The following ENOX1 variants were observed in gnomAD, a reference collection of about 807,000 sequenced individuals.
ENOX1 encodes the protein ecto-NOX disulfide-thiol exchanger 1.
In ENOX1, 42 loss-of-function variants were observed where a neutral mutation model predicts 82.5. The ratio of observed to expected loss-of-function variants is 0.51; its 90% confidence interval spans 0.40 to 0.66. The LOEUF is 0.66. Ranked by LOEUF, ENOX1 falls within the 30% of genes least tolerant of loss-of-function variation. The pLI is 0.00. For missense variants in ENOX1, 608 were observed against 811.6 expected (o/e 0.75, Z 3.05); for synonymous variants, 271 against 282.2 (o/e 0.96, Z 0.40).
At chr13:43,250,310 T>C (rs967696118) in intron 14 of ENOX1, among the ~76,000 whole-genome samples, 4 of 152,298 alleles carry the variant, frequency 2.6e-5, no homozygotes, top group African/African-American at 7.2e-5. Context: ...TGTTCCTTAC[T>C]GAGAAGCCTG....
chr13:43,222,380 T>TACACACAC lies in ENOX1; in HGVS notation c.1800+1665_1800+1672dup, dbSNP rs35476412. Among the ~76,000 whole-genome samples the TACACACAC allele has an allele frequency of 1.1e-3, 165 of 149,194 alleles. 1 individual carries two copies. The highest frequency in any genetic ancestry group is 5.9e-3 in the East Asian group (30 of 5,062). ...CCTGCCCATTCCCAGGAGATGATTT[T>TACACACAC]ACACACACACACACACACACACACG... is the stretch of plus-strand genomic sequence containing the variant. On this transcript the variant is annotated intron_variant, in intron 16 of 16. Coordinates refer to ENST00000690772, the MANE Select transcript of ENOX1 (RefSeq NM_001347969.2).
At chr13:43,325,394 A>G (rs1182938636) in intron 10 of ENOX1, among the ~76,000 whole-genome samples, 2 of 152,226 alleles carry the variant, frequency 1.3e-5, no homozygotes, top group East Asian at 1.9e-4. Context: ...TAACAGTGAT[A>G]ATAAAGAATT....
intron 1 of ENOX1, among the ~76,000 whole-genome samples, chr13:43,714,753 T>C (rs1158068525): frequency 6.6e-6 from 1 of 152,188 alleles, no homozygotes; most frequent in Non-Finnish European, 1.5e-5. Flanking sequence ...CTTTTTTTGT[T>C]TTCCATTGGC....
At chr13:43,755,884 G>A (rs1240746205) in intron 1 of ENOX1, among the ~76,000 whole-genome samples, 1 of 152,154 alleles carries the variant, frequency 6.6e-6, no homozygotes, top group Non-Finnish European at 1.5e-5. Context: ...TGTGAGACCT[G>A]AACTATCTCC....
chr13:43,689,862 T>G (rs1255819449), intron 1 of ENOX1, among the ~76,000 whole-genome samples: 1 of 152,210 alleles, frequency 6.6e-6, no homozygotes, highest in Non-Finnish European at 1.5e-5. Context: ...GCCCAAGGCT[T>G]CTTCTCCACC....
intron 2 of ENOX1, among the ~76,000 whole-genome samples, chr13:43,632,611 A>G (rs1020815753): frequency 3.3e-5 from 5 of 151,708 alleles, no homozygotes; most frequent in African/African-American, 1.2e-4. Flanking sequence ...ATGTCCAGCT[A>G]ATTTTTTGTA....
chr13:43,415,296 G>A (rs1255031784), intron 3 of ENOX1, among the ~76,000 whole-genome samples: 6 of 140,082 alleles, frequency 4.3e-5, no homozygotes, highest in African/African-American at 1.3e-4. Context: ...TTCTCGGAGA[G>A]GGGGATGTGG....
chr13:43,399,440 G>A (rs1224301729), intron 5 of ENOX1, among the ~76,000 whole-genome samples: 1 of 152,116 alleles, frequency 6.6e-6, no homozygotes, highest in African/African-American at 2.4e-5. Context: ...TCAGGACAAG[G>A]GGATCATTTT....
intron 1 of ENOX1, among the ~76,000 whole-genome samples, chr13:43,738,021 C>A (rs1167748795): frequency 6.6e-6 from 1 of 152,104 alleles, no homozygotes; most frequent in Non-Finnish European, 1.5e-5. Context: ...TTAATTTAGA[C>A]CCAAATCACC....
At chr13:43,555,090 A>C (rs1167890706) in intron 2 of ENOX1, among the ~76,000 whole-genome samples, 2 of 144,012 alleles carry the variant, frequency 1.4e-5, no homozygotes, top group Non-Finnish European at 1.5e-5. Flanking sequence ...CTTCCTTTCT[A>C]TTGGTATCCC....
intron 3 of ENOX1, among the ~76,000 whole-genome samples, chr13:43,461,515 T>C (rs1026409749): frequency 1.3e-5 from 2 of 152,212 alleles, no homozygotes; most frequent in Non-Finnish European, 2.9e-5. Flanking sequence ...AATTGCAAGG[T>C]CTCTGTCCTC....
rs187893811 is a variant in ENOX1, at chr13:43,710,848, A to G, written c.-284-43304T>C. ...CAAGTAGAAAAATAGAAAATAAGAT[A>G]GCATCCACAATAAAAGAAATACCTT... On this transcript the variant is annotated intron_variant, in intron 1 of 16. Coordinates refer to ENST00000690772, the MANE Select transcript of ENOX1 (RefSeq NM_001347969.2). 3.6e-3 allele frequency among the ~76,000 whole-genome samples: 549 copies of G among 151,836 alleles called. 6 individuals are homozygous for G. Among genetic ancestry groups the G allele is most frequent in the African/African-American group, 0.013 (531 of 41,296 alleles).
intron 12 of ENOX1, among the ~76,000 whole-genome samples, chr13:43,291,965 G>A (rs971187331): frequency 6.6e-6 from 1 of 152,106 alleles, no homozygotes. Context: ...ACTCGGCCAC[G>A]CAGCAGATCC....
In ENOX1 at chr13:43,285,712, G is replaced by A. The variant is rs116410310; in HGVS notation, c.1446+12634C>T. Among the ~76,000 whole-genome samples, 1,092 of 150,760 alleles carry A rather than the reference G, an allele frequency of 7.2e-3. 8 individuals carry two copies. Among genetic ancestry groups the A allele is most frequent in the African/African-American group, 0.025 (1,022 of 41,058 alleles). On this transcript the variant is annotated intron_variant, in intron 12 of 16. Coordinates refer to ENST00000690772, the MANE Select transcript of ENOX1 (RefSeq NM_001347969.2). ...TCCTAGCACTCAGGAGGCTGAGGCA[G>A]GAGAATAGAATAGCTTGGACCTGGT...
intron 14 of ENOX1, among the ~76,000 whole-genome samples, chr13:43,244,133 A>G (rs2042970864): frequency 6.6e-6 from 1 of 150,540 alleles, no homozygotes; most frequent in Non-Finnish European, 1.5e-5. Flanking sequence ...CACATTATTT[A>G]CATACTAGAT....
At chr13:43,563,568 A>C (rs1436995262) in intron 2 of ENOX1, among the ~76,000 whole-genome samples, 1 of 152,142 alleles carries the variant, frequency 6.6e-6, no homozygotes, top group Non-Finnish European at 1.5e-5. Context: ...AAGACAATAC[A>C]AATGACTGAT....
chr13:43,365,605 G>A (rs1425424569), intron 5 of ENOX1, among the ~76,000 whole-genome samples: 6 of 152,240 alleles, frequency 3.9e-5, no homozygotes, highest in African/African-American at 1.4e-4. Flanking sequence ...ACATCATGGA[G>A]TCATAAGTTG....
chr13:43,711,460 G>A (rs939363264), intron 1 of ENOX1, among the ~76,000 whole-genome samples: 7 of 152,150 alleles, frequency 4.6e-5, no homozygotes, highest in Admixed American at 4.6e-4. Context: ...TGGGTCAAAT[G>A]GTATTTCTAG....
intron 5 of ENOX1, among the ~76,000 whole-genome samples, chr13:43,408,180 C>T (rs369616014): frequency 3.3e-5 from 5 of 152,090 alleles, no homozygotes; most frequent in South Asian, 4.2e-4. Flanking sequence ...TGGAAGTGCA[C>T]GACAGCACAT....
Sources: allele counts gnomAD v4.1 joint callset (sites outside exome capture counted in the v4.1 genomes callset), GRCh38; gene constraint gnomAD v4.1.1; transcripts MANE v1.5; gene names NCBI Gene and HGNC (gene_info 2026-07-23, HGNC 2026-07-21).